The following CRMP1 variants were observed in gnomAD, a reference collection of about 807,000 sequenced individuals.
CRMP1 encodes the protein collapsin response mediator protein 1.
CRMP1 carries 19 observed loss-of-function variants against 68.3 expected under a neutral mutation model. That is an observed-to-expected ratio of 0.28 (90% CI 0.19 to 0.41). The LOEUF is 0.41. Ranked by LOEUF, CRMP1 falls within the 10% of genes least tolerant of loss-of-function variation. CRMP1 has a pLI of 1.00. For synonymous variants in CRMP1, 439 were observed against 399.6 expected, an observed-to-expected ratio of 1.10 and a Z score of -1.18; for missense variants, 791 against 967.4, an observed-to-expected ratio of 0.82 and a Z score of 2.42.
In CRMP1 at chr4:5,892,558, C is replaced by T. The variant is rs889816297; in HGVS notation, c.381+31G>A. On this transcript the variant is annotated intron_variant, in intron 1 of 13. Transcript: ENST00000324989. The surrounding 1 kb of genome is among the most constrained non-coding windows in gnomAD (Gnocchi z 8.6). ...CTGGGTCCTCCCGGGGCCCGCCCCC[C>T]TCGTCTGGCCCGCGCGCGCCCCGAG... is the stretch of plus-strand genomic sequence containing the variant. 6.0e-6 allele frequency: 7 copies of T among 1,171,202 alleles called. No homozygotes were observed. The highest frequency in any genetic ancestry group is 7.4e-6 in the Non-Finnish European group (7 of 948,754). 72.6% of individuals were successfully genotyped at this position (1,171,202 alleles called of 1,614,324 possible).
rs974112676 is a variant in CRMP1 at position 5,843,613 on chromosome 4, C to T, written c.964-452G>A. On this transcript the variant is annotated intron_variant, in intron 6 of 13. Transcript: ENST00000324989. The surrounding 1 kb of genome is among the most constrained non-coding windows in gnomAD (Gnocchi z 4.1). ...ACTGGGAGTCCAGATCCAGAACAGC[C>T]GTCTCTGTGACTTTGGGCAGGTTGG... is the stretch of plus-strand genomic sequence containing the variant. 2.6e-5 allele frequency among the ~76,000 whole-genome samples: 4 copies of T among 152,124 alleles called. No homozygotes were observed. The highest frequency in any genetic ancestry group is 4.8e-5 in the African/African-American group (2 of 41,420).
chr4:5,825,600 T>C lies in CRMP1; in HGVS notation c.1863A>G (p.Pro621=). 1 of 1,604,106 alleles carries C rather than the reference T, an allele frequency of 6.2e-7. No homozygotes were observed. Among genetic ancestry groups the C allele is most frequent in the Non-Finnish European group, 8.5e-7 (1 of 1,176,908 alleles). The part of the protein sequence containing the change: ...GMYDGPVYEV[P]ATPKYATPAP... ...CGGGAGTTGCATATTTGGGTGTAGC[T>C]GGTACCTCGTACACAGGACCGTCAT... is the stretch of plus-strand genomic sequence containing the variant. Residue 621 remains proline, a synonymous_variant, in exon 13 of 14, where the codon CCA becomes CCG. Coordinates refer to ENST00000324989, the MANE Select transcript of CRMP1 (RefSeq NM_001014809.3). The surrounding 1 kb of genome is among the most constrained non-coding windows in gnomAD (Gnocchi z 4.4).
Position 5,825,849 on chromosome 4 carries a change from A to C in CRMP1, c.1804-190T>G, listed in dbSNP as rs562546642. On this transcript the variant is annotated intron_variant, in intron 12 of 13. Coordinates refer to ENST00000324989, the MANE Select transcript of CRMP1 (RefSeq NM_001014809.3). The surrounding 1 kb of genome is among the most constrained non-coding windows in gnomAD (Gnocchi z 4.4). Reference sequence around the variant, plus strand: ...TGCAGCCGCACACAGGCATTCATACACACAAGCATGCATACACACACATCT... The same window carrying C: ...TGCAGCCGCACACAGGCATTCATACCCACAAGCATGCATACACACACATCT... 2.6e-4 allele frequency: 159 copies of C among 600,714 alleles called. No homozygotes were observed. In the African/African-American group the frequency reaches 3.1e-3, roughly 12 times the overall value. The allele number at this position is 600,714 out of a possible 1,614,324, so 37.2% of individuals were successfully genotyped here.
In CRMP1 at chr4:5,849,408, C is replaced by T; in HGVS notation, c.947G>A (p.Gly316Glu). The change falls in exon 6 of 14, where the codon GGA (glycine) becomes GAA (glutamate). Residue 316 changes from glycine to glutamate, a missense_variant. Gly to Glu is a moderately conservative substitution (Grantham distance 98). Around this residue, in one of 3 missense-constraint regions of CRMP1, gnomAD observed 594 missense variants for 763.6 expected, o/e 0.78. Coordinates refer to ENST00000324989, the MANE Select transcript of CRMP1 (RefSeq NM_001014809.3). ...GCCACTCACCTGAGCTATCAAATCT[C>T]CATTTTCTGCATGGACCAAGATCAC... ...GAVILVHAEN[G>E]DLIAQEQKRI... 1 of 1,613,864 alleles carries T rather than the reference C, an allele frequency of 6.2e-7. No homozygotes were observed. Among genetic ancestry groups the T allele is most frequent in the Non-Finnish European group, 8.5e-7 (1 of 1,179,888 alleles).
chr4:5,863,721 T>C (rs1274010265), intron 2 of CRMP1, among the ~76,000 whole-genome samples: 1 of 151,954 alleles, frequency 6.6e-6, no homozygotes, highest in East Asian at 1.9e-4. Context: ...CATAATTCAA[T>C]GAATCACACA....
At chr4:5,827,746 C>T (rs73797913) in intron 12 of CRMP1, among the ~76,000 whole-genome samples, 2 of 152,056 alleles carry the variant, frequency 1.3e-5, no homozygotes, top group South Asian at 2.1e-4. Context: ...CACACACACA[C>T]ACACACACGA....
Position 5,890,638 on chromosome 4 carries a change from G to A in CRMP1, c.381+1951C>T, listed in dbSNP as rs1160309340. Among the ~76,000 whole-genome samples, 5 of 152,234 alleles carry A rather than the reference G, an allele frequency of 3.3e-5. No homozygotes were observed. The highest frequency in any genetic ancestry group is 3.3e-4 in the Admixed American group (5 of 15,290). ...GCGCCAGAGGCGCTGCCTTTTGTCC[G>A]GTGCCTGAGAAGCCATGGAGAAAGG... On this transcript the variant is annotated intron_variant, in intron 1 of 13. Transcript: ENST00000324989. The surrounding 1 kb of genome is among the most constrained non-coding windows in gnomAD (Gnocchi z 5.5).
chr4:5,831,104 A>G (rs972359104), intron 11 of CRMP1, among the ~76,000 whole-genome samples: 1 of 151,986 alleles, frequency 6.6e-6, no homozygotes, highest in Non-Finnish European at 1.5e-5. Context: ...ATGCACCACC[A>G]TGCCTAGTTA....
At chr4:5,851,291 C>G in intron 5 of CRMP1, 117 bp downstream of exon 5, 2 of 903,318 alleles carry the variant, frequency 2.2e-6, no homozygotes, top group East Asian at 2.4e-5. Flanking sequence ...CATGCCAGAA[C>G]CAGGACTCGA....
At chr4:5,829,667 A>G (rs1308219510) in intron 11 of CRMP1, among the ~76,000 whole-genome samples, 1 of 152,206 alleles carries the variant, frequency 6.6e-6, no homozygotes, top group African/African-American at 2.4e-5. Context: ...ATCTCTACAC[A>G]GACATTTCTC....
At chr4:5,863,808 G>C (rs1713772125) in intron 2 of CRMP1, among the ~76,000 whole-genome samples, 1 of 152,206 alleles carries the variant, frequency 6.6e-6, no homozygotes, top group South Asian at 2.1e-4. Flanking sequence ...TTCAAGTGAA[G>C]GAAAGTAATT....
In CRMP1 at chr4:5,842,968, G is replaced by A; in HGVS notation, c.1032+125C>T. 2 of 858,600 alleles carry A rather than the reference G, an allele frequency of 2.3e-6. No individual in the cohort carries two copies. Among genetic ancestry groups the A allele is most frequent in the East Asian group, 2.5e-5 (1 of 40,426 alleles). 53.2% of individuals were successfully genotyped at this position (858,600 alleles called of 1,614,324 possible). On this transcript the variant is annotated intron_variant, in intron 7 of 13. Transcript: ENST00000324989. This position sits in a 1 kb window ranked among gnomAD's most constrained non-coding sequence, Gnocchi z 4.5. ...GTTCCCGGGGAAAACAAGATGGTTT[G>A]GGATGGTCTGGGAGAGGACACGGGA...
In CRMP1 at chr4:5,892,472, C is replaced by G; in HGVS notation, c.381+117G>C. The G allele has an allele frequency of 2.9e-6, 3 of 1,048,872 alleles. No homozygotes were observed. The highest frequency in any genetic ancestry group is 3.5e-6 in the Non-Finnish European group (3 of 849,354). 65.0% of individuals were successfully genotyped at this position (1,048,872 alleles called of 1,614,324 possible). ...GGAGGGGCCGCGCCGTGGCTCTCCC[C>G]AGCCTGGCGGCCGCTGCCCCAACAC... On this transcript the variant is annotated intron_variant, in intron 1 of 13. Transcript: ENST00000324989. The surrounding 1 kb of genome is among the most constrained non-coding windows in gnomAD (Gnocchi z 8.6).
chr4:5,843,970 T>TA lies in CRMP1; in HGVS notation c.964-810dup, dbSNP rs56743840. ...ACACTTTAATTTCTAAAATAAAAAA[T>TA]AAAAAAAAAATTTGACATTGCCCAG... On this transcript the variant is annotated intron_variant, in intron 6 of 13. Transcript: ENST00000324989. The surrounding 1 kb of genome is among the most constrained non-coding windows in gnomAD (Gnocchi z 4.1). Among the ~76,000 whole-genome samples, 44,917 of 150,486 alleles carry TA rather than the reference T, an allele frequency of 0.3. 7,126 individuals are homozygous for TA. The highest frequency in any genetic ancestry group is 0.42 in the African/African-American group (17,259 of 40,988).
At position 5,864,573 on chromosome 4, in the gene CRMP1, C is replaced by CG. The variant is rs1289352964; in HGVS notation, c.470+2094dup. Among the ~76,000 whole-genome samples the CG allele has an allele frequency of 3.3e-5, 5 of 152,082 alleles. No individual in the cohort carries two copies. The South Asian group carries it at 8.3e-4, about 25-fold the overall frequency. The stretch of plus-strand genomic sequence containing the variant: ...GACCTACAGGTGCTGGGCCCCAGGG[C>CG]GGGGGGCCACGAGGCAAGGCCCTGG... On this transcript the variant is annotated intron_variant, in intron 2 of 13. Transcript: ENST00000324989.
chr4:5,870,543 G>C lies in CRMP1; in HGVS notation c.382-3787C>G, dbSNP rs137900208. Among the ~76,000 whole-genome samples the C allele has an allele frequency of 6.6e-6, 1 of 152,316 alleles. No homozygotes were observed. Among genetic ancestry groups the C allele is most frequent in the East Asian group, 1.9e-4 (1 of 5,172 alleles). On this transcript the variant is annotated intron_variant, in intron 1 of 13. Coordinates refer to ENST00000324989, the MANE Select transcript of CRMP1 (RefSeq NM_001014809.3). This position sits in a 1 kb window ranked among gnomAD's most constrained non-coding sequence, Gnocchi z 6.0. The stretch of plus-strand genomic sequence containing the variant: ...CCGTTTTCTTCACTGCTGTCTCTCC[G>C]GCATCTTGGACACAGCCTGGCTGGC...
chr4:5,826,157 T>C (rs185663698), intron 12 of CRMP1: 1 of 158,136 alleles, frequency 6.3e-6, no homozygotes, highest in Admixed American at 6.5e-5. Context: ...CAAAGCTTCA[T>C]GCAGGAGGAC....
Position 5,888,180 on chromosome 4 carries a change from C to G in CRMP1, c.381+4409G>C, listed in dbSNP as rs995122399. On this transcript the variant is annotated intron_variant, in intron 1 of 13. Coordinates refer to ENST00000324989, the MANE Select transcript of CRMP1 (RefSeq NM_001014809.3). The surrounding 1 kb of genome is among the most constrained non-coding windows in gnomAD (Gnocchi z 6.4). ...TCTGGACCCTGCCGGGCGCCCACTCCCAGCCCACAAAGGCCAGCGCGGGGC... is the reference window on the plus strand; with the variant it reads ...TCTGGACCCTGCCGGGCGCCCACTCGCAGCCCACAAAGGCCAGCGCGGGGC... 1 of 1,243,360 alleles carries G rather than the reference C, an allele frequency of 8.0e-7. No homozygotes were observed. Among genetic ancestry groups the G allele is most frequent in the Admixed American group, 4.2e-5 (1 of 23,692 alleles). The allele number at this position is 1,243,360 out of a possible 1,614,324, so 77.0% of individuals were successfully genotyped here.
In CRMP1 at chr4:5,858,077, C is replaced by T. The variant is rs994073213; in HGVS notation, c.656-1770G>A. On this transcript the variant is annotated intron_variant, in intron 3 of 13. Transcript: ENST00000324989. This position sits in a 1 kb window ranked among gnomAD's most constrained non-coding sequence, Gnocchi z 5.5. ...GGTCTAATGGGGAGCATGCAGTCCT[C>T]AGTCTCTTGGCCTCTCAGGGCACAG... Among the ~76,000 whole-genome samples, 2 of 152,148 alleles carry T rather than the reference C, an allele frequency of 1.3e-5. No homozygotes were observed. Among genetic ancestry groups the T allele is most frequent in the African/African-American group, 4.8e-5 (2 of 41,428 alleles).
Sources: gnomAD v4.1 joint callset for allele counts (sites outside exome capture counted in the v4.1 genomes callset) on GRCh38, gnomAD v4.1.1 for gene constraint, gnomAD v4.1.1 regional missense constraint, Gnocchi (gnomAD v3.1) non-coding constraint, MANE v1.5 for transcripts, NCBI Gene and HGNC (gene_info 2026-07-23, HGNC 2026-07-21) for gene names.